KCNQ5: variants seen among roughly 807,000 people sequenced by gnomAD.
The protein encoded by KCNQ5 is potassium voltage-gated channel subfamily KQT member 5.
A neutral mutation model predicts 98.2 loss-of-function variants in KCNQ5; 30 were observed. That is an observed-to-expected ratio of 0.31 (90% CI 0.23 to 0.41). The LOEUF (loss-of-function observed/expected upper bound fraction) is 0.41. Ranked by LOEUF, KCNQ5 falls within the 10% of genes least tolerant of loss-of-function variation. KCNQ5 has a pLI of 1.00. For synonymous variants in KCNQ5, 458 were observed against 449.4 expected (o/e 1.02, Z -0.24); for missense variants, 835 against 1,182.5 (o/e 0.71, Z 4.31).
In KCNQ5 at chr6:72,977,041, G is replaced by C. The variant is rs1562105210; in HGVS notation, c.399-26867G>C. Among the ~76,000 whole-genome samples the C allele has an allele frequency of 2.6e-5, 4 of 152,158 alleles. No homozygotes were observed. The South Asian group carries it at 8.3e-4, about 32-fold the overall frequency. On this transcript the variant is annotated intron_variant, in intron 1 of 13. Transcript: ENST00000370398. ...ATATAATAAACCAATATAATTCATTGTCATCATTGTTATCCATGTTAGCGA... is the reference window on the plus strand; with the variant it reads ...ATATAATAAACCAATATAATTCATTCTCATCATTGTTATCCATGTTAGCGA...
intron 1 of KCNQ5, among the ~76,000 whole-genome samples, chr6:72,930,948 A>C (rs913024157): frequency 2.6e-5 from 4 of 152,174 alleles, no homozygotes; most frequent in African/African-American, 9.7e-5. Context: ...AGTCATACTT[A>C]AAGTAATAGG....
intron 1 of KCNQ5, among the ~76,000 whole-genome samples, chr6:72,684,948 A>T (rs1361878545): frequency 2.6e-5 from 4 of 152,140 alleles, no homozygotes; most frequent in African/African-American, 9.7e-5. Context: ...AATTCTTAAG[A>T]AACATTCCAC....
At chr6:73,038,778 T>A (rs565490426) in intron 2 of KCNQ5, among the ~76,000 whole-genome samples, 29 of 152,104 alleles carry the variant, frequency 1.9e-4, no homozygotes, top group Non-Finnish European at 3.1e-4. Context: ...TCTAAGTTTA[T>A]GATAAATATG....
chr6:72,677,804 A>G (rs980198334), intron 1 of KCNQ5, among the ~76,000 whole-genome samples: 2 of 152,182 alleles, frequency 1.3e-5, no homozygotes, highest in African/African-American at 4.8e-5. Flanking sequence ...TAAATCAAAT[A>G]TCAACATACA....
intron 1 of KCNQ5, among the ~76,000 whole-genome samples, chr6:73,002,488 A>G (rs749141181): frequency 2.6e-5 from 4 of 152,210 alleles, no homozygotes; most frequent in Non-Finnish European, 4.4e-5. Context: ...GAGATAATTG[A>G]TAATGTAAGA....
chr6:72,820,971 A>T (rs865784808), intron 1 of KCNQ5, among the ~76,000 whole-genome samples: 3 of 152,206 alleles, frequency 2.0e-5, no homozygotes, highest in African/African-American at 7.2e-5. Flanking sequence ...GGAGAAAAGA[A>T]GCTGATATAT....
intron 3 of KCNQ5, among the ~76,000 whole-genome samples, chr6:73,069,550 A>G (rs1314055927): frequency 6.6e-6 from 1 of 152,068 alleles, no homozygotes; most frequent in Non-Finnish European, 1.5e-5. Context: ...GTCTGCATGC[A>G]GTTGGTTTCT....
intron 1 of KCNQ5, among the ~76,000 whole-genome samples, chr6:72,779,528 G>A (rs1046585270): frequency 6.6e-6 from 1 of 152,100 alleles, no homozygotes; most frequent in Non-Finnish European, 1.5e-5. Context: ...CTGAGAATAA[G>A]GTTAGGTGGA....
chr6:72,864,076 T>C (rs998166901), intron 1 of KCNQ5, among the ~76,000 whole-genome samples: 1 of 152,200 alleles, frequency 6.6e-6, no homozygotes, highest in African/African-American at 2.4e-5. Context: ...TCTGAGTCTG[T>C]ACCCTGCTGC....
chr6:73,055,344 G>T lies in KCNQ5; in HGVS notation c.616+13282G>T, dbSNP rs73535934. 19 of 1,436,746 alleles carry T rather than the reference G, an allele frequency of 1.3e-5. No homozygotes were observed. The Admixed American group carries it at 3.2e-4, about 24-fold the overall frequency. The allele number at this position is 1,436,746 out of a possible 1,614,324, so 89.0% of individuals were successfully genotyped here. A position where few individuals can be genotyped will look rare whatever the true frequency, so the allele number is the denominator to read the frequency against. On this transcript the variant is annotated intron_variant, in intron 3 of 13. Coordinates refer to ENST00000370398, the MANE Select transcript of KCNQ5 (RefSeq NM_019842.4). Reference sequence around the variant, plus strand: ...TAGCTGCCAATAGTGAGGACTTGGCGCCTCAATGAGCAGCACTATGGGGCT... The same window carrying T: ...TAGCTGCCAATAGTGAGGACTTGGCTCCTCAATGAGCAGCACTATGGGGCT...
chr6:73,050,231 A>G (rs114439202), intron 3 of KCNQ5, among the ~76,000 whole-genome samples: 2,219 of 139,752 alleles, frequency 0.016, 21 homozygotes, highest in Non-Finnish European at 0.018. Context: ...AGACAAAGAG[A>G]AAGGAAGGAA....
chr6:73,089,246 A>G (rs1774128093), intron 5 of KCNQ5, among the ~76,000 whole-genome samples: 1 of 152,220 alleles, frequency 6.6e-6, no homozygotes. Context: ...TAATCAATAT[A>G]CAATATCATT....
intron 10 of KCNQ5, chr6:73,134,162 A>G: frequency 3.5e-6 from 1 of 286,194 alleles, no homozygotes; most frequent in East Asian, 7.8e-5. Context: ...GTTGAAAGTT[A>G]TTTCGAAGTC....
chr6:73,010,640 TAA>T (rs61014549), intron 2 of KCNQ5, among the ~76,000 whole-genome samples: 27 of 135,896 alleles, frequency 2.0e-4, no homozygotes, highest in Admixed American at 1.5e-3. Flanking sequence ...CCTGAAGATT[TAA>T]AAAAAAAAAA....
intron 1 of KCNQ5, among the ~76,000 whole-genome samples, chr6:72,982,331 G>A (rs969296106): frequency 6.6e-6 from 1 of 151,964 alleles, no homozygotes; most frequent in Non-Finnish European, 1.5e-5. Context: ...TATGAATCTG[G>A]GTGCTCCTGT....
At chr6:72,781,752 A>G (rs1044717566) in intron 1 of KCNQ5, among the ~76,000 whole-genome samples, 4 of 152,228 alleles carry the variant, frequency 2.6e-5, no homozygotes, top group Admixed American at 1.3e-4. Flanking sequence ...GAAAAAAAGT[A>G]TTATATAAAA....
intron 1 of KCNQ5, among the ~76,000 whole-genome samples, chr6:72,723,514 G>A (rs78529452): frequency 0.018 from 2,678 of 152,194 alleles, 80 homozygotes; most frequent in African/African-American, 0.061. Context: ...TATCATATGC[G>A]TTATAGGATA....
intron 1 of KCNQ5, among the ~76,000 whole-genome samples, chr6:72,878,741 T>G (rs1470759697): frequency 6.6e-6 from 1 of 152,226 alleles, no homozygotes; most frequent in Non-Finnish European, 1.5e-5. Flanking sequence ...AATTAGATTT[T>G]ATTAAGGCTT....
intron 1 of KCNQ5, among the ~76,000 whole-genome samples, chr6:72,713,152 C>T (rs928250152): frequency 6.6e-6 from 1 of 152,166 alleles, no homozygotes; most frequent in Non-Finnish European, 1.5e-5. Context: ...TCAGGTTACA[C>T]ATTTGAAATC....
Sources: gnomAD v4.1 joint callset for allele counts (sites outside exome capture counted in the v4.1 genomes callset) on GRCh38, gnomAD v4.1.1 for gene constraint, MANE v1.5 for transcripts, NCBI Gene and HGNC (gene_info 2026-07-23, HGNC 2026-07-21) for gene names.